FCHSD2: variants seen among roughly 807,000 people sequenced by gnomAD.
FCHSD2 encodes the protein F-BAR and double SH3 domains protein 2.
A neutral mutation model predicts 108.1 loss-of-function variants in FCHSD2; 38 were observed. The ratio of observed to expected loss-of-function variants is 0.35; its 90% confidence interval spans 0.27 to 0.46. FCHSD2 has a LOEUF of 0.46. FCHSD2 is among the 20% of genes least tolerant of loss of function. The probability of loss-of-function intolerance (pLI) is 1.00; values close to 1 mark genes in which losing one functional copy is unlikely to be tolerated. For synonymous variants in FCHSD2, 279 were observed against 314.7 expected, an observed-to-expected ratio of 0.89 and a Z score of 1.20; for missense variants, 751 against 897.8, an observed-to-expected ratio of 0.84 and a Z score of 2.09.
At chr11:72,979,388 T>C (rs1857171104) in intron 8 of FCHSD2, among the ~76,000 whole-genome samples, 1 of 152,066 alleles carries the variant, frequency 6.6e-6, no homozygotes, top group African/African-American at 2.4e-5. Context: ...CTAGGAGATA[T>C]CATATCTTAA....
At chr11:72,981,548 A>G (rs1375295559) in intron 8 of FCHSD2, among the ~76,000 whole-genome samples, 1 of 152,260 alleles carries the variant, frequency 6.6e-6, no homozygotes, top group Non-Finnish European at 1.5e-5. Context: ...CAGCTTTGAT[A>G]TAATAGTAGA....
intron 8 of FCHSD2, among the ~76,000 whole-genome samples, chr11:72,973,293 G>A (rs541393169): frequency 3.3e-5 from 5 of 152,138 alleles, no homozygotes; most frequent in East Asian, 1.9e-4. Context: ...CTTGAACCCA[G>A]GAGGCAGAGG....
At chr11:72,897,092 C>T (rs533301644) in intron 10 of FCHSD2, among the ~76,000 whole-genome samples, 1 of 152,224 alleles carries the variant, frequency 6.6e-6, no homozygotes, top group South Asian at 2.1e-4. Context: ...CTCAGCCTCC[C>T]AAAGTGCTGG....
intron 12 of FCHSD2, among the ~76,000 whole-genome samples, chr11:72,881,821 TAAA>T (rs1313477375): frequency 6.6e-6 from 1 of 152,148 alleles, no homozygotes; most frequent in East Asian, 1.9e-4. Context: ...GTGTGGGAGC[TAAA>T]AAATGTTAAT....
chr11:72,896,913 G>A (rs904869953), intron 10 of FCHSD2, among the ~76,000 whole-genome samples: 4 of 151,512 alleles, frequency 2.6e-5, no homozygotes, highest in South Asian at 2.1e-4. Flanking sequence ...TGCAAGCCCC[G>A]CCTCCCAGGT....
rs750060498 is a variant in FCHSD2 at position 72,849,839 on chromosome 11, C to T, written c.1359G>A (p.Met453Ile). The change falls in exon 14 of 20, where the codon ATG (methionine) becomes ATA (isoleucine). Residue 453 changes from methionine to isoleucine, a missense_variant. Physicochemically the swap from Met to Ile is conservative, Grantham distance 10. Transcript: ENST00000409418. ...TGGAACTGCTGTCATCGAAAACATCCATGTTATCTTCAAACTCTTCGCCTT... is the reference window on the plus strand; with the variant it reads ...TGGAACTGCTGTCATCGAAAACATCTATGTTATCTTCAAACTCTTCGCCTT... ...REEGEEFEDN[M>I]DVFDDSSSSP... 5 of 1,612,772 alleles carry T rather than the reference C, an allele frequency of 3.1e-6. No homozygotes were observed. Among genetic ancestry groups the T allele is most frequent in the East Asian group, 4.5e-5 (2 of 44,870 alleles).
chr11:73,004,567 A>T (rs1190427359), intron 4 of FCHSD2, among the ~76,000 whole-genome samples: 2 of 152,072 alleles, frequency 1.3e-5, no homozygotes, highest in Admixed American at 6.5e-5. Flanking sequence ...TACCCAGCTT[A>T]GGTTTCATGG....
intron 2 of FCHSD2, among the ~76,000 whole-genome samples, chr11:73,135,920 T>C (rs1861110241): frequency 6.6e-6 from 1 of 152,052 alleles, no homozygotes; most frequent in Admixed American, 6.6e-5. Flanking sequence ...TCCCAGCACT[T>C]TGGGAGGCTG....
At chr11:72,877,642 T>C (rs975424291) in intron 12 of FCHSD2, among the ~76,000 whole-genome samples, 2 of 152,194 alleles carry the variant, frequency 1.3e-5, no homozygotes, top group African/African-American at 4.8e-5. Flanking sequence ...TTTCAATAGT[T>C]TACTATTAAT....
At chr11:73,049,611 C>A (rs1450245600) in intron 3 of FCHSD2, among the ~76,000 whole-genome samples, 2 of 148,862 alleles carry the variant, frequency 1.3e-5, no homozygotes, top group Non-Finnish European at 3.0e-5. Context: ...GTGCAGCGCA[C>A]CAGCATGGCA....
rs947652108 is a variant in FCHSD2 at position 73,014,124 on chromosome 11, CTTT to C, written c.242+1682_242+1684del. On this transcript the variant is annotated intron_variant, in intron 4 of 19. Transcript: ENST00000409418. ...ATCCTTAAGAAAATCTGTGTGGTTT[CTTT>C]TTTTTTTTTTTTTTTTTTTTGGGAG... is the stretch of plus-strand genomic sequence containing the variant. Among the ~76,000 whole-genome samples, 44 of 86,586 alleles carry C rather than the reference CTTT, an allele frequency of 5.1e-4. No homozygotes were observed. In the East Asian group the frequency reaches 0.014, roughly 28 times the overall value. The allele number at this position is 86,586 out of a possible 152,430, so 56.8% of individuals were successfully genotyped here.
chr11:72,981,634 G>A (rs186118724), intron 8 of FCHSD2, among the ~76,000 whole-genome samples: 1 of 152,244 alleles, frequency 6.6e-6, no homozygotes, highest in Non-Finnish European at 1.5e-5. Flanking sequence ...TGTGTTCTTT[G>A]AAACTGTTGG....
intron 2 of FCHSD2, among the ~76,000 whole-genome samples, chr11:73,108,692 C>T (rs1860407020): frequency 6.6e-6 from 1 of 152,156 alleles, no homozygotes; most frequent in South Asian, 2.1e-4. Flanking sequence ...CCTCAGCCTC[C>T]CGAGTAGCTG....
chr11:73,063,743 T>C (rs1436629345), intron 3 of FCHSD2, among the ~76,000 whole-genome samples: 3 of 152,162 alleles, frequency 2.0e-5, no homozygotes, highest in Non-Finnish European at 4.4e-5. Context: ...GAGCTAACTA[T>C]CCTAAATATA....
At chr11:72,880,859 C>A (rs1289681687) in intron 12 of FCHSD2, among the ~76,000 whole-genome samples, 1 of 144,872 alleles carries the variant, frequency 6.9e-6, no homozygotes, top group East Asian at 2.0e-4. Context: ...CAGAGTGATA[C>A]CCTGTCTCGA....
In FCHSD2 at chr11:72,887,525, C is replaced by A; in HGVS notation, c.1091G>T (p.Arg364Leu). The change falls in exon 12 of 20, where the codon CGA becomes CTA. Residue 364 changes from arginine (R) to leucine (L), a missense_variant. Transcript: ENST00000409418. ...CHGAAVSEQSRAELEQKIDEA... is the reference protein window; with the variant it reads ...CHGAAVSEQSLAELEQKIDEA... ...ATCTATTTTCTGTTCTAGCTCTGCT[C>A]GGCTTTGTTCTGATACAGCAGCTCC... The A allele has an allele frequency of 6.2e-7, 1 of 1,603,490 alleles. No homozygotes were observed. Among genetic ancestry groups the A allele is most frequent in the Non-Finnish European group, 8.5e-7 (1 of 1,175,888 alleles).
chr11:72,927,119 G>A (rs1043895353), intron 8 of FCHSD2, among the ~76,000 whole-genome samples: 6 of 152,012 alleles, frequency 3.9e-5, no homozygotes, highest in African/African-American at 1.4e-4. Flanking sequence ...CTTCTTTTCC[G>A]GGTAGGCAAA....
At chr11:72,991,722 A>G (rs1857419376) in intron 5 of FCHSD2, among the ~76,000 whole-genome samples, 1 of 152,220 alleles carries the variant, frequency 6.6e-6, no homozygotes, top group Non-Finnish European at 1.5e-5. Context: ...GCTTCATTCT[A>G]AAAACTCTCA....
intron 18 of FCHSD2, 144 bp downstream of exon 18, chr11:72,841,310 G>A: frequency 2.5e-6 from 2 of 810,662 alleles, no homozygotes; most frequent in South Asian, 3.7e-5. Context: ...CAGCCTGGGT[G>A]TCCAGCCCAG....
Sources: allele counts gnomAD v4.1 joint callset (sites outside exome capture counted in the v4.1 genomes callset), GRCh38; gene constraint gnomAD v4.1.1; transcripts MANE v1.5; gene names NCBI Gene and HGNC (gene_info 2026-07-23, HGNC 2026-07-21).